DZIP1: variants seen among roughly 807,000 people sequenced by gnomAD.
DZIP1 encodes the protein cilium assembly protein DZIP1.
DZIP1 carries 97 observed loss-of-function variants against 107.6 expected under a neutral mutation model. The observed-to-expected ratio is 0.90, with a 90% confidence interval of 0.77 to 1.07. The LOEUF (loss-of-function observed/expected upper bound fraction) is 1.07. Among genes scored for constraint, DZIP1 ranks in the 50% least tolerant of loss-of-function variants. The probability of loss-of-function intolerance (pLI) is 0.00; values close to 1 mark genes in which losing one functional copy is unlikely to be tolerated. For missense variants in DZIP1, 1,035 were observed against 1,063.6 expected (o/e 0.97, Z 0.37); for synonymous variants, 390 against 386.4 (o/e 1.01, Z -0.11).
In DZIP1 at chr13:95,641,295, C is replaced by A; in HGVS notation, c.597G>T (p.Gln199His). ...ATCGTGCTCACACACAGCTGCCCAC[C>A]TGGTAATAGTTGGCTTTGGCCTCGA... is the stretch of plus-strand genomic sequence containing the variant. ...LMIEAKANYY[Q>H]CHFCDKAFMN... The change falls in exon 5 of 23, where the codon CAG becomes CAT. Residue 199 changes from glutamine (Q) to histidine (H), a missense_variant and splice_region_variant. Coordinates refer to ENST00000376829, the MANE Select transcript of DZIP1 (RefSeq NM_198968.4). This position sits in a 1 kb window ranked among gnomAD's most constrained non-coding sequence, Gnocchi z 4.3. 6.3e-7 allele frequency: 1 copy of A among 1,576,292 alleles called. No individual in the cohort carries two copies. The highest frequency in any genetic ancestry group is 1.2e-5 in the South Asian group (1 of 86,794).
chr13:95,599,316 G>C, intron 15 of DZIP1, 49 bp downstream of exon 15: 1 of 1,508,934 alleles, frequency 6.6e-7, no homozygotes, highest in Middle Eastern at 1.7e-4. Context: ...CTAGATTTTG[G>C]CATATAAATA....
chr13:95,624,169 G>A (rs960425279), intron 8 of DZIP1, among the ~76,000 whole-genome samples: 1 of 152,090 alleles, frequency 6.6e-6, no homozygotes, highest in Non-Finnish European at 1.5e-5. Context: ...TCCTTTCTCC[G>A]TTTTCCCCAA....
In DZIP1 at chr13:95,613,249, G is replaced by A. The variant is rs141070395; in HGVS notation, c.1174-1072C>T. The stretch of plus-strand genomic sequence containing the variant: ...GGCTTGAGGCCAGGTGTGGTGGCTC[G>A]TGCATGTAATCCCAGCACTTTGGGA... On this transcript the variant is annotated intron_variant, in intron 10 of 22. Transcript: ENST00000376829. Among the ~76,000 whole-genome samples, 1,398 of 152,216 alleles carry A rather than the reference G, an allele frequency of 9.2e-3. 25 individuals are homozygous for A. The highest frequency in any genetic ancestry group is 0.032 in the African/African-American group (1,316 of 41,528).
Position 95,587,758 on chromosome 13 carries a change from G to T in DZIP1, c.2028-29C>A, listed in dbSNP as rs750249882. The T allele has an allele frequency of 1.9e-6, 3 of 1,600,252 alleles. No individual in the cohort carries two copies. In the East Asian group the frequency reaches 6.7e-5, roughly 36 times the overall value. ...CACAAATCAACACCGAGATAGGGGCGCTGTTTTCGTAACGCTTTAGGATTT... is the reference window on the plus strand; with the variant it reads ...CACAAATCAACACCGAGATAGGGGCTCTGTTTTCGTAACGCTTTAGGATTT... On this transcript the variant is annotated intron_variant, in intron 19 of 22. Coordinates refer to ENST00000376829, the MANE Select transcript of DZIP1 (RefSeq NM_198968.4).
chr13:95,592,717 C>T (rs577313198), intron 16 of DZIP1, among the ~76,000 whole-genome samples: 1 of 152,282 alleles, frequency 6.6e-6, no homozygotes, highest in African/African-American at 2.4e-5. Context: ...CCAAAATAGA[C>T]ACACAAATGT....
rs1024376227 is a variant in DZIP1, at chr13:95,578,343, G to A, written c.*3891C>T. On this transcript the variant is annotated 3_prime_UTR_variant, in exon 23 of 23. Coordinates refer to ENST00000376829, the MANE Select transcript of DZIP1 (RefSeq NM_198968.4). ...CCTTTTTAATCATTCATAGATAGAA[G>A]TCTTTGTACCCACTCCTTATGTTTC... 5.9e-6 allele frequency: 1 copy of A among 169,684 alleles called. No homozygotes were observed. Among genetic ancestry groups the A allele is most frequent in the Non-Finnish European group, 1.3e-5 (1 of 79,658 alleles). The allele number at this position is 169,684 out of a possible 1,614,324, so 10.5% of individuals were successfully genotyped here. A position where few individuals can be genotyped will look rare whatever the true frequency, so the allele number is the denominator to read the frequency against.
chr13:95,598,180 C>G (rs1048803674), intron 15 of DZIP1, among the ~76,000 whole-genome samples: 2 of 152,118 alleles, frequency 1.3e-5, no homozygotes, highest in Non-Finnish European at 2.9e-5. Context: ...AACATTGGAA[C>G]AGCAATTACA....
intron 10 of DZIP1, among the ~76,000 whole-genome samples, chr13:95,613,217 G>C (rs76592371): frequency 0.018 from 2,775 of 152,204 alleles, 77 homozygotes; most frequent in African/African-American, 0.062. Flanking sequence ...AGAAACAAAG[G>C]GGGGGCGGCT....
chr13:95,642,651 G>A (rs1036198089), intron 3 of DZIP1, among the ~76,000 whole-genome samples: 2 of 152,186 alleles, frequency 1.3e-5, no homozygotes, highest in African/African-American at 4.8e-5. Context: ...TAACAGAAAT[G>A]TTTTTCATTT....
chr13:95,625,045 G>A, intron 7 of DZIP1, 116 bp from the exon 8 acceptor site: 1 of 902,986 alleles, frequency 1.1e-6, no homozygotes, highest in Non-Finnish European at 1.6e-6. Flanking sequence ...GCTTATTTCA[G>A]TGAGGCTTGT....
intron 22 of DZIP1, 34 bp downstream of exon 22, chr13:95,584,702 G>C (rs2044109193): frequency 6.3e-7 from 1 of 1,580,296 alleles, no homozygotes; most frequent in Non-Finnish European, 8.6e-7. Flanking sequence ...TAAGAAAATG[G>C]ATCGAGCTTG....
Position 95,589,311 on chromosome 13 carries a change from C to T in DZIP1, c.1974-104G>A, listed in dbSNP as rs59939959. On this transcript the variant is annotated intron_variant, in intron 18 of 22. Coordinates refer to ENST00000376829, the MANE Select transcript of DZIP1 (RefSeq NM_198968.4). Reference sequence around the variant, plus strand: ...GATTTTTGCTTTTGACATACACTAACGAGGAAGAGCAGCAACAAAAGTCAC... The same window carrying T: ...GATTTTTGCTTTTGACATACACTAATGAGGAAGAGCAGCAACAAAAGTCAC... The T allele has an allele frequency of 5.1e-3, 4,352 of 847,326 alleles. 129 individuals are homozygous for T. The African/African-American group carries it at 0.067, about 13-fold the overall frequency. 52.5% of individuals were successfully genotyped at this position (847,326 alleles called of 1,614,324 possible).
chr13:95,613,548 A>C (rs1239283870), intron 10 of DZIP1, among the ~76,000 whole-genome samples: 2 of 151,924 alleles, frequency 1.3e-5, no homozygotes, highest in African/African-American at 4.8e-5. Flanking sequence ...GGTGAAGAAC[A>C]TTCCAAGTCT....
At chr13:95,607,174 G>A (rs2044809198) in intron 13 of DZIP1, among the ~76,000 whole-genome samples, 1 of 152,108 alleles carries the variant, frequency 6.6e-6, no homozygotes, top group Non-Finnish European at 1.5e-5. Context: ...AGCCTCCTGA[G>A]TAACTGGGAC....
In DZIP1 at chr13:95,642,159, G is replaced by T; in HGVS notation, c.-130C>A. On this transcript the variant is annotated 5_prime_UTR_variant, in exon 4 of 23. In the 5' UTR this introduces an upstream ATG that the reference lacks. Transcript: ENST00000376829. ...CGGCGGCCTAAGGTCTGGGCGTCCA[G>T]GACGTTGCTATAGCAGCGCCCAGGT... is the stretch of plus-strand genomic sequence containing the variant. 6 of 1,273,624 alleles carry T rather than the reference G, an allele frequency of 4.7e-6. No individual in the cohort carries two copies. The highest frequency in any genetic ancestry group is 4.1e-6 in the Non-Finnish European group (4 of 967,412). 78.9% of individuals were successfully genotyped at this position (1,273,624 alleles called of 1,614,324 possible).
At chr13:95,590,577 C>T in intron 16 of DZIP1, 136 bp from the exon 17 acceptor site, 1 of 783,740 alleles carries the variant, frequency 1.3e-6, no homozygotes. Flanking sequence ...AAGGGTGCCC[C>T]AACAAGTAAC....
chr13:95,614,737 T>A (rs918687468), intron 10 of DZIP1, among the ~76,000 whole-genome samples: 4 of 152,112 alleles, frequency 2.6e-5, no homozygotes, highest in Non-Finnish European at 5.9e-5. Flanking sequence ...TATGTGACCA[T>A]CTGACAACCT....
chr13:95,617,448 C>T (rs2139198799), intron 10 of DZIP1, among the ~76,000 whole-genome samples: 1 of 152,164 alleles, frequency 6.6e-6, no homozygotes, highest in East Asian at 1.9e-4. Context: ...CCAAGCCCTG[C>T]CTGGACTCCT....
intron 5 of DZIP1, among the ~76,000 whole-genome samples, chr13:95,638,375 C>A (rs938925879): frequency 6.6e-6 from 1 of 152,070 alleles, no homozygotes; most frequent in Non-Finnish European, 1.5e-5. Context: ...CAGGTGTGAG[C>A]CACTGCGCCC....
Sources: allele counts gnomAD v4.1 joint callset (sites outside exome capture counted in the v4.1 genomes callset), GRCh38; gene constraint gnomAD v4.1.1; non-coding constraint Gnocchi (gnomAD v3.1); transcripts MANE v1.5; gene names NCBI Gene and HGNC (gene_info 2026-07-23, HGNC 2026-07-21).